AGAP1: variants seen among roughly 807,000 people sequenced by gnomAD.
AGAP1 encodes the protein ArfGAP with GTPase domain, ankyrin repeat and PH domain 1.
A neutral mutation model predicts 105.3 loss-of-function variants in AGAP1; 29 were observed. That is an observed-to-expected ratio of 0.28 (90% CI 0.21 to 0.38). The LOEUF is 0.38. Ranked by LOEUF, AGAP1 falls within the 10% of genes least tolerant of loss-of-function variation. The pLI is 1.00. For synonymous variants in AGAP1, 509 were observed against 485.9 expected (o/e 1.05, Z -0.63); for missense variants, 998 against 1,165.1 (o/e 0.86, Z 2.09).
chr2:235,849,988 A>G (rs1479957962), intron 9 of AGAP1, among the ~76,000 whole-genome samples: 1 of 151,918 alleles, frequency 6.6e-6, no homozygotes, highest in Non-Finnish European at 1.5e-5. Flanking sequence ...TTCCTCTTCC[A>G]TGGAGGACAG....
At chr2:235,713,783 A>T (rs1431652110) in intron 2 of AGAP1, among the ~76,000 whole-genome samples, 1 of 152,208 alleles carries the variant, frequency 6.6e-6, no homozygotes, top group Non-Finnish European at 1.5e-5. Context: ...TATAGCTCAC[A>T]GTTCTGGAGG....
intron 1 of AGAP1, among the ~76,000 whole-genome samples, chr2:235,680,083 A>G (rs1283406674): frequency 6.6e-6 from 1 of 152,218 alleles, no homozygotes; most frequent in Non-Finnish European, 1.5e-5. Context: ...TTGAGCTAGC[A>G]AGTAACTAGT....
chr2:235,598,761 T>TGTGTTTGGTGCACAGTGGGAC (rs1383673607), intron 1 of AGAP1, among the ~76,000 whole-genome samples: 2 of 152,024 alleles, frequency 1.3e-5, no homozygotes, highest in African/African-American at 2.4e-5. Flanking sequence ...CCCAGGGCTG[T>TGTGTTTGGTGCACAGTGGGAC]GTGTTTGGTG....
chr2:235,698,596 G>A (rs1950110011), intron 1 of AGAP1, among the ~76,000 whole-genome samples: 1 of 152,186 alleles, frequency 6.6e-6, no homozygotes, highest in South Asian at 2.1e-4. Context: ...CTCGAGATCT[G>A]TTCAAAATTC....
chr2:235,563,274 G>A lies in AGAP1; in HGVS notation c.163+68425G>A, dbSNP rs117189793. ...CGTCCCCAGCACTTCATTTCTTTCC[G>A]TCCTGCCCCCCTTTGCTGTGTCTGG... On this transcript the variant is annotated intron_variant, in intron 1 of 17. Coordinates refer to ENST00000304032, the MANE Select transcript of AGAP1 (RefSeq NM_001037131.3). Among the ~76,000 whole-genome samples, 23 of 151,984 alleles carry A rather than the reference G, an allele frequency of 1.5e-4. No individual in the cohort carries two copies. In the East Asian group the frequency reaches 3.1e-3, roughly 21 times the overall value.
intron 1 of AGAP1, among the ~76,000 whole-genome samples, chr2:235,580,872 C>T (rs1377275187): frequency 2.6e-5 from 4 of 152,112 alleles, no homozygotes; most frequent in South Asian, 2.1e-4. Context: ...TGGGTTCTTG[C>T]TCTCGACCTT....
In AGAP1 at chr2:235,660,814, A is replaced by G. The variant is rs1384637300; in HGVS notation, c.164-48365A>G. Among the ~76,000 whole-genome samples, 1 of 152,148 alleles carries G rather than the reference A, an allele frequency of 6.6e-6. No individual in the cohort carries two copies. The highest frequency in any genetic ancestry group is 1.5e-5 in the Non-Finnish European group (1 of 68,032). ...ATCATCACATCTTATTGTCGCAGCTACCGTATTGTTCTTGTCCCGTTTTTG... is the reference window on the plus strand; with the variant it reads ...ATCATCACATCTTATTGTCGCAGCTGCCGTATTGTTCTTGTCCCGTTTTTG... On this transcript the variant is annotated intron_variant, in intron 1 of 17. Transcript: ENST00000304032. The surrounding 1 kb of genome is among the most constrained non-coding windows in gnomAD (Gnocchi z 5.3).
chr2:235,607,746 G>C (rs975748098), intron 1 of AGAP1, among the ~76,000 whole-genome samples: 1 of 152,226 alleles, frequency 6.6e-6, no homozygotes, highest in Non-Finnish European at 1.5e-5. Context: ...CTCGAGGGCA[G>C]CCTCCTGGAG....
At chr2:235,910,595 A>G (rs907153000) in intron 11 of AGAP1, among the ~76,000 whole-genome samples, 53 of 152,210 alleles carry the variant, frequency 3.5e-4, no homozygotes, top group African/African-American at 9.2e-4. Flanking sequence ...TTACATTAGT[A>G]CGTTACATAA....
At chr2:235,954,936 A>G (rs971923174) in intron 12 of AGAP1, among the ~76,000 whole-genome samples, 2 of 152,072 alleles carry the variant, frequency 1.3e-5, no homozygotes, top group Non-Finnish European at 2.9e-5. Context: ...CACATGGTAG[A>G]TGGGCCACAT....
In AGAP1 at chr2:235,936,330, C is replaced by G. The variant is rs1027925378; in HGVS notation, c.1483+5407C>G. On this transcript the variant is annotated intron_variant, in intron 12 of 17. Coordinates refer to ENST00000304032, the MANE Select transcript of AGAP1 (RefSeq NM_001037131.3). This position sits in a 1 kb window ranked among gnomAD's most constrained non-coding sequence, Gnocchi z 4.7. The stretch of plus-strand genomic sequence containing the variant: ...TGTGTACGGGTGTATGCTCTGGTCC[C>G]TGTTTCCTTCTGGCCACGTAATCAT... 3.3e-5 allele frequency among the ~76,000 whole-genome samples: 5 copies of G among 152,218 alleles called. No homozygotes were observed. The highest frequency in any genetic ancestry group is 3.3e-4 in the Admixed American group (5 of 15,280).
chr2:235,600,733 G>T lies in AGAP1; in HGVS notation c.163+105884G>T, dbSNP rs1261030992. ...ATGTTTTTCTGCCTGCTTTATATTT[G>T]CTGGCAGCTGATTAAATGATGCCCA... On this transcript the variant is annotated intron_variant, in intron 1 of 17. Transcript: ENST00000304032. This position sits in a 1 kb window ranked among gnomAD's most constrained non-coding sequence, Gnocchi z 4.8. 2.6e-5 allele frequency among the ~76,000 whole-genome samples: 4 copies of T among 152,142 alleles called. No homozygotes were observed. Among genetic ancestry groups the T allele is most frequent in the Non-Finnish European group, 4.4e-5 (3 of 68,038 alleles).
chr2:235,704,843 A>G (rs549347218), intron 1 of AGAP1, among the ~76,000 whole-genome samples: 40 of 152,312 alleles, frequency 2.6e-4, no homozygotes, highest in South Asian at 1.5e-3. Flanking sequence ...CGCTGTGTCC[A>G]GAGGCAGCAG....
intron 1 of AGAP1, among the ~76,000 whole-genome samples, chr2:235,708,791 G>A (rs1432480736): frequency 6.6e-6 from 1 of 152,210 alleles, no homozygotes; most frequent in African/African-American, 2.4e-5. Flanking sequence ...GGCTATAACA[G>A]AATCACTCCT....
chr2:235,648,907 A>AT (rs1947486615), intron 1 of AGAP1, among the ~76,000 whole-genome samples: 1 of 151,484 alleles, frequency 6.6e-6, no homozygotes, highest in South Asian at 2.1e-4. Flanking sequence ...AAGTCATGTA[A>AT]TTGTGACCTC....
intron 13 of AGAP1, among the ~76,000 whole-genome samples, chr2:235,987,612 T>C (rs2055376850): frequency 6.6e-6 from 1 of 152,034 alleles, no homozygotes; most frequent in African/African-American, 2.4e-5. Flanking sequence ...AGTTCGTTGT[T>C]GCCTCTCTAG....
chr2:235,603,819 G>A (rs1376345499), intron 1 of AGAP1, among the ~76,000 whole-genome samples: 1 of 152,082 alleles, frequency 6.6e-6, no homozygotes, highest in African/African-American at 2.4e-5. Context: ...CATTTCATGG[G>A]GAATTTGAGC....
chr2:235,995,044 A>G (rs1364489887), intron 13 of AGAP1, among the ~76,000 whole-genome samples: 1 of 120,204 alleles, frequency 8.3e-6, no homozygotes, highest in Admixed American at 8.9e-5. Context: ...CCAACCAGGG[A>G]GACAGTACAA....
chr2:236,071,183 C>T (rs759756235), intron 16 of AGAP1, among the ~76,000 whole-genome samples: 2 of 152,148 alleles, frequency 1.3e-5, no homozygotes, highest in East Asian at 1.9e-4. Flanking sequence ...GCCTTAGCCC[C>T]GAATAATCCT....
Sources: allele counts gnomAD v4.1 joint callset (sites outside exome capture counted in the v4.1 genomes callset), GRCh38; gene constraint gnomAD v4.1.1; non-coding constraint Gnocchi (gnomAD v3.1); transcripts MANE v1.5; gene names NCBI Gene and HGNC (gene_info 2026-07-23, HGNC 2026-07-21).